Variants in SLC6A2 observed in about 807,000 individuals in gnomAD.
The protein encoded by SLC6A2 is solute carrier family 6 member 2.
Under a neutral mutation model 71.7 loss-of-function variants are expected in SLC6A2, and 26 were observed. That is an observed-to-expected ratio of 0.36 (90% CI 0.27 to 0.50). The LOEUF is 0.50. Among genes scored for constraint, SLC6A2 ranks in the 20% least tolerant of loss-of-function variants. The probability of loss-of-function intolerance (pLI) is 0.96; values close to 1 mark genes in which losing one functional copy is unlikely to be tolerated. For missense variants in SLC6A2, 581 were observed against 803.9 expected, an observed-to-expected ratio of 0.72 and a Z score of 3.35; for synonymous variants, 363 against 337.9, an observed-to-expected ratio of 1.07 and a Z score of -0.82.
chr16:55,704,375 T>C lies in SLC6A2; in HGVS notation c.*2029T>C, dbSNP rs1043242242. 6.6e-6 allele frequency: 1 copy of C among 152,154 alleles called. No individual in the cohort carries two copies. The highest frequency in any genetic ancestry group is 1.9e-4 in the East Asian group (1 of 5,188). The allele number at this position is 152,154 out of a possible 1,614,324, so 9.4% of individuals were successfully genotyped here. ...GCCTTCAATTCACATCCACTGACTC[T>C]CAGCCCAGATTATTTTGAATATTCC... On this transcript the variant is annotated 3_prime_UTR_variant, in exon 15 of 15. Transcript: ENST00000568943.
intron 7 of SLC6A2, 111 bp from the exon 8 acceptor site, chr16:55,695,167 G>T: frequency 7.9e-7 from 1 of 1,273,506 alleles, no homozygotes. Flanking sequence ...ACTGAAGGGG[G>T]GATGGCCTTT....
At chr16:55,684,258 GC>G (rs1381903686) in intron 4 of SLC6A2, among the ~76,000 whole-genome samples, 1 of 143,522 alleles carries the variant, frequency 7.0e-6, no homozygotes, top group Non-Finnish European at 1.5e-5. Context: ...CCGTGATGGT[GC>G]CACTGCACTC....
intron 3 of SLC6A2, among the ~76,000 whole-genome samples, chr16:55,671,448 G>T (rs1231275020): frequency 1.3e-5 from 2 of 152,192 alleles, no homozygotes; most frequent in Non-Finnish European, 2.9e-5. Context: ...ATCTGCTATA[G>T]CACGTTTCCT....
rs1966039932 is a variant in SLC6A2 at position 55,703,684 on chromosome 16, TAG to T, written c.*1341_*1342del. On this transcript the variant is annotated 3_prime_UTR_variant, in exon 15 of 15. Transcript: ENST00000568943. ...TTTGGGAGGGGTTTCTGTTTATGGTTAGAGTCTCTTACACCCTTGTTGGAGGG... is the reference window on the plus strand; with the variant it reads ...TTTGGGAGGGGTTTCTGTTTATGGTTAGTCTCTTACACCCTTGTTGGAGGG... The T allele has an allele frequency of 3.0e-6, 3 of 985,302 alleles. No individual in the cohort carries two copies. The highest frequency in any genetic ancestry group is 3.6e-6 in the Non-Finnish European group (3 of 829,922). The allele number at this position is 985,302 out of a possible 1,614,324, so 61.0% of individuals were successfully genotyped here. A position where few individuals can be genotyped will look rare whatever the true frequency, so the allele number is the denominator to read the frequency against.
intron 2 of SLC6A2, 37 bp downstream of exon 2, chr16:55,657,005 A>T: frequency 6.2e-7 from 1 of 1,607,070 alleles, no homozygotes; most frequent in Middle Eastern, 2.0e-4. Flanking sequence ...TGAATCTGGG[A>T]GGTCCACTGT....
intron 4 of SLC6A2, among the ~76,000 whole-genome samples, chr16:55,678,066 G>A (rs932341824): frequency 1.3e-5 from 2 of 152,128 alleles, no homozygotes; most frequent in African/African-American, 4.8e-5. Flanking sequence ...GCTACCATCA[G>A]CCAAGCACTG....
rs1267766285 is a variant in SLC6A2 at position 55,705,011 on chromosome 16, T to C, written c.*2665T>C. 2.0e-6 allele frequency: 1 copy of C among 488,254 alleles called. No homozygotes were observed. The highest frequency in any genetic ancestry group is 3.6e-6 in the Non-Finnish European group (1 of 276,786). The allele number at this position is 488,254 out of a possible 1,614,324, so 30.2% of individuals were successfully genotyped here. ...TTATGTTAAGTCATCTTTGACTTCC[T>C]TTTTGTAGCTTGTTTTTAATAGCAG... On this transcript the variant is annotated 3_prime_UTR_variant, in exon 15 of 15. Coordinates refer to ENST00000568943, the MANE Select transcript of SLC6A2 (RefSeq NM_001172501.3).
intron 7 of SLC6A2, 118 bp downstream of exon 7, chr16:55,694,231 T>C: frequency 2.6e-6 from 2 of 766,044 alleles, no homozygotes; most frequent in South Asian, 1.4e-5. Context: ...AATTTTCTTC[T>C]TGTGAACCAT....
rs1174483037 is a variant in SLC6A2, at chr16:55,702,749, A to ACCC, written c.*403_*404insCCC. 155 of 990,770 alleles carry ACCC rather than the reference A, an allele frequency of 1.6e-4. 2 individuals are homozygous for ACCC. In the African/African-American group the frequency reaches 2.9e-3, roughly 18 times the overall value. The allele number at this position is 990,770 out of a possible 1,614,324, so 61.4% of individuals were successfully genotyped here. A position where few individuals can be genotyped will look rare whatever the true frequency, so the allele number is the denominator to read the frequency against. ...GGCTTTTGATCAGATACCCCTCCCA[A>ACCC]AAAAAAAAAAAACTAAAACTAAAGC... On this transcript the variant is annotated 3_prime_UTR_variant, in exon 15 of 15. Coordinates refer to ENST00000568943, the MANE Select transcript of SLC6A2 (RefSeq NM_001172501.3).
chr16:55,662,901 C>CA (rs1453845925), intron 2 of SLC6A2, among the ~76,000 whole-genome samples: 2 of 152,194 alleles, frequency 1.3e-5, no homozygotes, highest in African/African-American at 4.8e-5. Flanking sequence ...TTTCTCCCAG[C>CA]ACATCAGGCA....
intron 4 of SLC6A2, among the ~76,000 whole-genome samples, chr16:55,680,846 G>A (rs2142543750): frequency 6.6e-6 from 1 of 152,272 alleles, no homozygotes; most frequent in Non-Finnish European, 1.5e-5. Context: ...GGAAGATGAT[G>A]CAGGGTGAGA....
chr16:55,656,655 G>GC lies in SLC6A2; in HGVS notation c.-35dup. Reference sequence around the variant, plus strand: ...CTTTATCCAAGCAGAGCCTCGGCGTGCCCCCAGGACCGGTAAAGTTCCTCT... The same window carrying GC: ...CTTTATCCAAGCAGAGCCTCGGCGTGCCCCCCAGGACCGGTAAAGTTCCTCT... On this transcript the variant is annotated 5_prime_UTR_variant, in exon 2 of 15. Transcript: ENST00000568943. This position sits in a 1 kb window ranked among gnomAD's most constrained non-coding sequence, Gnocchi z 4.5. 1.2e-6 allele frequency: 2 copies of GC among 1,610,240 alleles called. No homozygotes were observed. Among genetic ancestry groups the GC allele is most frequent in the South Asian group, 1.1e-5 (1 of 90,938 alleles).
At chr16:55,697,724 A>T (rs1057291176) in intron 9 of SLC6A2, among the ~76,000 whole-genome samples, 173 bp from the exon 10 acceptor site, 2 of 85,712 alleles carry the variant, frequency 2.3e-5, no homozygotes, top group Non-Finnish European at 6.6e-5. Flanking sequence ...GCCTGAGAAC[A>T]GGACAGAAAT....
intron 4 of SLC6A2, among the ~76,000 whole-genome samples, chr16:55,684,626 T>C (rs781342202): frequency 2.6e-5 from 4 of 152,216 alleles, no homozygotes; most frequent in Admixed American, 2.0e-4. Flanking sequence ...TTTTTTGTTA[T>C]TGGAGACTGT....
chr16:55,697,990 A>G lies in SLC6A2; in HGVS notation c.1354A>G (p.Ser452Gly). 2 of 1,614,168 alleles carry G rather than the reference A, an allele frequency of 1.2e-6. No individual in the cohort carries two copies. Among genetic ancestry groups the G allele is most frequent in the South Asian group, 1.1e-5 (1 of 91,080 alleles). Residue 452 changes from serine (S) to glycine (G), a missense_variant, in exon 10 of 15, where the codon AGC becomes GGC. Physicochemically the swap from Ser to Gly is moderately conservative, Grantham distance 56 (BLOSUM62 0). Transcript: ENST00000568943. The part of the protein sequence containing the change: ...RKLFTFGVTF[S>G]TFLLALFCIT... ...ACTCTTCACATTTGGCGTCACCTTCAGCACTTTCCTTCTCGCCCTGTTCTG... is the reference window on the plus strand; with the variant it reads ...ACTCTTCACATTTGGCGTCACCTTCGGCACTTTCCTTCTCGCCCTGTTCTG...
At chr16:55,669,744 T>G in intron 3 of SLC6A2, 48 bp downstream of exon 3, 1 of 1,608,946 alleles carries the variant, frequency 6.2e-7, no homozygotes, top group Non-Finnish European at 8.5e-7. Context: ...AAGGCTTCCC[T>G]GTTGCCCTTG....
intron 3 of SLC6A2, chr16:55,671,641 C>G: frequency 1.7e-6 from 1 of 574,452 alleles, no homozygotes; most frequent in Non-Finnish European, 3.0e-6. Flanking sequence ...GAGCGCAACC[C>G]CTACTGTGAA....
chr16:55,705,042 A>C lies in SLC6A2; in HGVS notation c.*2696A>C. 2.5e-5 allele frequency: 13 copies of C among 510,242 alleles called. No homozygotes were observed. The highest frequency in any genetic ancestry group is 3.4e-5 in the Non-Finnish European group (10 of 289,924). 31.6% of individuals were successfully genotyped at this position (510,242 alleles called of 1,614,324 possible). A position where few individuals can be genotyped will look rare whatever the true frequency, so the allele number is the denominator to read the frequency against. On this transcript the variant is annotated 3_prime_UTR_variant, in exon 15 of 15. Coordinates refer to ENST00000568943, the MANE Select transcript of SLC6A2 (RefSeq NM_001172501.3). ...TAGCTTGTTTTTAATAGCAGAGGTC[A>C]CCCGGGACAAGGGTGCTGTGTACTG... is the stretch of plus-strand genomic sequence containing the variant.
At chr16:55,668,821 C>T (rs1435598549) in intron 2 of SLC6A2, among the ~76,000 whole-genome samples, 1 of 152,204 alleles carries the variant, frequency 6.6e-6, no homozygotes, top group Non-Finnish European at 1.5e-5. Context: ...ACTTGAACCT[C>T]TGCCCCTTTG....
Sources: gnomAD v4.1 joint callset for allele counts (sites outside exome capture counted in the v4.1 genomes callset) on GRCh38, gnomAD v4.1.1 for gene constraint, Gnocchi (gnomAD v3.1) non-coding constraint, MANE v1.5 for transcripts, NCBI Gene and HGNC (gene_info 2026-07-23, HGNC 2026-07-21) for gene names.